GSR: variants seen among roughly 807,000 people sequenced by gnomAD.
GSR encodes glutathione-disulfide reductase.
GSR carries 48 observed loss-of-function variants against 56.5 expected under a neutral mutation model. The observed-to-expected ratio is 0.85, with a 90% confidence interval of 0.67 to 1.08. GSR has a LOEUF of 1.08. Ranked by LOEUF, GSR falls within the 50% of genes least tolerant of loss-of-function variation. The pLI is 0.00. For missense variants in GSR, 694 were observed against 703.3 expected, an observed-to-expected ratio of 0.99 and a Z score of 0.15; for synonymous variants, 264 against 270.8, an observed-to-expected ratio of 0.97 and a Z score of 0.25.
chr8:30,711,992 A>T, intron 2 of GSR, 70 bp downstream of exon 2: 4 of 896,934 alleles, frequency 4.5e-6, no homozygotes, highest in Non-Finnish European at 7.3e-6. Context: ...ATTTGGAAAC[A>T]TTCTGATTTT....
intron 8 of GSR, among the ~76,000 whole-genome samples, chr8:30,692,425 A>G (rs1418795612): frequency 6.9e-6 from 1 of 144,370 alleles, no homozygotes; most frequent in East Asian, 2.1e-4. Flanking sequence ...CAAACTCCCA[A>G]CCTCAGGTGA....
chr8:30,710,021 T>A (rs1804075482), intron 2 of GSR, 119 bp from the exon 3 acceptor site: 2 of 689,902 alleles, frequency 2.9e-6, no homozygotes, highest in African/African-American at 3.6e-5. Context: ...CCCTTTAAAT[T>A]AAAAACAAAC....
chr8:30,714,640 G>A (rs1314216260), intron 1 of GSR, among the ~76,000 whole-genome samples: 2 of 151,892 alleles, frequency 1.3e-5, no homozygotes, highest in East Asian at 3.9e-4. Context: ...GATTACAGGT[G>A]TGAGCTACCA....
At chr8:30,710,747 A>T (rs1185770842) in intron 2 of GSR, among the ~76,000 whole-genome samples, 1 of 87,720 alleles carries the variant, frequency 1.1e-5, no homozygotes, top group Admixed American at 1.2e-4. Flanking sequence ...AAAAAAAAAG[A>T]AAAGAAAAAA....
At chr8:30,714,611 C>T (rs927884059) in intron 1 of GSR, among the ~76,000 whole-genome samples, 3 of 152,098 alleles carry the variant, frequency 2.0e-5, no homozygotes, top group South Asian at 2.1e-4. Flanking sequence ...CCTCCTAACT[C>T]GGCCTCCCAA....
At position 30,680,390 on chromosome 8, in the gene GSR, T is replaced by G. The variant is rs1168029195; in HGVS notation, c.1419+514A>C. On this transcript the variant is annotated intron_variant, in intron 12 of 12. Coordinates refer to ENST00000221130, the MANE Select transcript of GSR (RefSeq NM_000637.5). ...GGCCCTGGCCTCTCCTGTTTTTTTT[T>G]TTTTTTTTTTTTTTTTTGCTTTGAG... Among the ~76,000 whole-genome samples, 453 of 144,826 alleles carry G rather than the reference T, an allele frequency of 3.1e-3. 10 individuals carry two copies. The highest frequency in any genetic ancestry group is 5.7e-3 in the Non-Finnish European group (373 of 66,016).
At chr8:30,725,243 G>A (rs1804684779) in intron 1 of GSR, among the ~76,000 whole-genome samples, 1 of 151,980 alleles carries the variant, frequency 6.6e-6, no homozygotes, top group Non-Finnish European at 1.5e-5. Flanking sequence ...AGGCATAAGA[G>A]ACCAGTTTGG....
At chr8:30,700,281 G>A in intron 5 of GSR, 146 bp from the exon 6 acceptor site, 4 of 705,694 alleles carry the variant, frequency 5.7e-6, no homozygotes, top group Non-Finnish European at 1.0e-5. Context: ...TGCTTGGAAA[G>A]CTGCCAACCA....
At chr8:30,700,218 AAC>A (rs1217680846) in intron 5 of GSR, 83 bp from the exon 6 acceptor site, 23 of 1,007,566 alleles carry the variant, frequency 2.3e-5, no homozygotes, top group Non-Finnish European at 3.6e-5. Context: ...CCAAAAACCA[AAC>A]ACTTTCACAG....
intron 6 of GSR, among the ~76,000 whole-genome samples, chr8:30,697,427 AAACAAACAAAC>A (rs1803585500): frequency 2.0e-5 from 1 of 50,484 alleles, no homozygotes; most frequent in South Asian, 6.5e-4. Context: ...AAAACAAAAC[AAACAAACAAAC>A]AAACAAACAA....
At chr8:30,684,345 G>C in intron 9 of GSR, 146 bp from the exon 10 acceptor site, 1 of 715,102 alleles carries the variant, frequency 1.4e-6, no homozygotes, top group East Asian at 2.7e-5. Context: ...CAACACGAAA[G>C]GCATTTACAG....
At chr8:30,681,075 T>C (rs377238118) in intron 11 of GSR, 38 bp from the exon 12 acceptor site, 167 of 1,543,016 alleles carry the variant, frequency 1.1e-4, no homozygotes, top group Non-Finnish European at 1.4e-4. Flanking sequence ...ATCAGAAAAC[T>C]AAACAATTAC....
chr8:30,708,257 G>T, intron 3 of GSR, 116 bp from the exon 4 acceptor site: 1 of 784,982 alleles, frequency 1.3e-6, no homozygotes, highest in Non-Finnish European at 2.3e-6. Flanking sequence ...AACAGCAACC[G>T]CAGTGAGTGA....
intron 1 of GSR, among the ~76,000 whole-genome samples, chr8:30,715,612 C>A (rs1346241664): frequency 6.6e-6 from 1 of 152,180 alleles, no homozygotes; most frequent in African/African-American, 2.4e-5. Context: ...TTATACCCTG[C>A]AGTTCACCAT....
At chr8:30,706,295 T>C (rs923705520) in intron 4 of GSR, among the ~76,000 whole-genome samples, 2 of 147,654 alleles carry the variant, frequency 1.4e-5, no homozygotes, top group African/African-American at 5.0e-5. Flanking sequence ...AGGCTAGGAG[T>C]TCAAGACCAG....
rs71206274 is a variant in GSR, at chr8:30,685,985, C to CAAAAAAAA, written c.1042-1794_1042-1787dup. Among the ~76,000 whole-genome samples, 130 of 37,234 alleles carry CAAAAAAAA rather than the reference C, an allele frequency of 3.5e-3. 8 individuals carry two copies. Among genetic ancestry groups the CAAAAAAAA allele is most frequent in the African/African-American group, 0.012 (109 of 8,810 alleles). The allele number at this position is 37,234 out of a possible 152,430, so 24.4% of individuals were successfully genotyped here. The stretch of plus-strand genomic sequence containing the variant: ...TGGGCAACAGAAAGAGACTCTGCCT[C>CAAAAAAAA]AAAAAAAAAAAAAAAAAAAAAAAAA... On this transcript the variant is annotated intron_variant, in intron 9 of 12. Transcript: ENST00000221130.
chr8:30,684,781 G>A (rs1272183337), intron 9 of GSR, among the ~76,000 whole-genome samples: 1 of 151,902 alleles, frequency 6.6e-6, no homozygotes, highest in South Asian at 2.1e-4. Context: ...ACAGGGTCTC[G>A]CTCTGTTACC....
chr8:30,710,714 CAAAAAAAAAAA>C lies in GSR; in HGVS notation c.334-823_334-813del, dbSNP rs60532553. On this transcript the variant is annotated intron_variant, in intron 2 of 12. Coordinates refer to ENST00000221130, the MANE Select transcript of GSR (RefSeq NM_000637.5). Reference sequence around the variant, plus strand: ...CCTGGGCAAGAGTGAGACTCTGTCTCAAAAAAAAAAAAAAAAAAAAAAAAAAAAAAAGAAAA... The same window carrying C: ...CCTGGGCAAGAGTGAGACTCTGTCTCAAAAAAAAAAAAAAAAAAAAGAAAA... 7.8e-3 allele frequency among the ~76,000 whole-genome samples: 395 copies of C among 50,874 alleles called. 1 individual carries two copies. Among genetic ancestry groups the C allele is most frequent in the African/African-American group, 0.025 (374 of 15,052 alleles). 33.4% of individuals were successfully genotyped at this position (50,874 alleles called of 152,430 possible). A position where few individuals can be genotyped will look rare whatever the true frequency, so the allele number is the denominator to read the frequency against.
At chr8:30,712,008 T>C in intron 2 of GSR, 54 bp downstream of exon 2, 6 of 979,152 alleles carry the variant, frequency 6.1e-6, no homozygotes, top group Non-Finnish European at 9.7e-6. Context: ...ATTTTGATTA[T>C]GATTTACCAA....
Sources: gnomAD v4.1 joint callset for allele counts (sites outside exome capture counted in the v4.1 genomes callset) on GRCh38, gnomAD v4.1.1 for gene constraint, MANE v1.5 for transcripts, NCBI Gene and HGNC (gene_info 2026-07-23, HGNC 2026-07-21) for gene names.